The following ASB3 variants were observed in gnomAD, a reference collection of about 807,000 sequenced individuals.
ASB3 encodes the protein ankyrin repeat and SOCS box protein 3.
Under a neutral mutation model 54.5 loss-of-function variants are expected in ASB3, and 41 were observed. The ratio of observed to expected loss-of-function variants is 0.75; its 90% CI spans 0.59 to 0.98. ASB3 has a LOEUF of 0.98. Ranked by LOEUF, ASB3 falls within the 50% of genes least tolerant of loss-of-function variation. ASB3 has a pLI of 0.00. For missense variants in ASB3, 733 were observed against 620.0 expected (o/e 1.18, Z -1.94); for synonymous variants, 266 against 221.2 (o/e 1.20, Z -1.80).
At chr2:53,728,946 T>TG in intron 4 of ASB3, 99 bp from the exon 5 acceptor site, 2 of 1,346,496 alleles carry the variant, frequency 1.5e-6, no homozygotes, top group Non-Finnish European at 2.0e-6. Context: ...ATCCTCTCAC[T>TG]AAAGGATAAC....
At chr2:53,757,300 C>A (rs1467903319) in intron 2 of ASB3, among the ~76,000 whole-genome samples, 3 of 152,244 alleles carry the variant, frequency 2.0e-5, no homozygotes, top group Admixed American at 2.0e-4. Context: ...TCCAACCCTT[C>A]TGGGTTGGGA....
intron 3 of ASB3, among the ~76,000 whole-genome samples, chr2:53,743,519 A>G (rs2103974194): frequency 6.6e-6 from 1 of 152,314 alleles, no homozygotes. Context: ...GCAAAATGTT[A>G]TTCCCACTAA....
chr2:53,776,718 C>G (rs1449887790), intron 1 of ASB3, among the ~76,000 whole-genome samples: 2 of 152,264 alleles, frequency 1.3e-5, no homozygotes, highest in Non-Finnish European at 1.5e-5. Flanking sequence ...ACTCAGGAAG[C>G]TGAGGCAGAA....
chr2:53,763,766 G>C (rs1417699054), intron 2 of ASB3, among the ~76,000 whole-genome samples: 1 of 152,198 alleles, frequency 6.6e-6, no homozygotes, highest in African/African-American at 2.4e-5. Flanking sequence ...CCTAGAAAAG[G>C]ATATTCAAAC....
chr2:53,762,341 A>C (rs1341863222), intron 2 of ASB3, among the ~76,000 whole-genome samples: 2 of 152,170 alleles, frequency 1.3e-5, no homozygotes, highest in Non-Finnish European at 2.9e-5. Flanking sequence ...ACAGATGAAA[A>C]AACTAAACCA....
chr2:53,711,215 C>T (rs1197594382), intron 7 of ASB3, among the ~76,000 whole-genome samples: 1 of 152,132 alleles, frequency 6.6e-6, no homozygotes, highest in Non-Finnish European at 1.5e-5. Flanking sequence ...AATTCATATG[C>T]ACAATTAGGG....
chr2:53,730,175 T>C (rs1261242538), intron 3 of ASB3, among the ~76,000 whole-genome samples: 4 of 152,218 alleles, frequency 2.6e-5, no homozygotes, highest in Non-Finnish European at 5.9e-5. Flanking sequence ...AACTTTGCTA[T>C]GAAGGTGGCA....
chr2:53,727,800 A>G (rs888109623), intron 5 of ASB3, among the ~76,000 whole-genome samples: 1 of 152,096 alleles, frequency 6.6e-6, no homozygotes, highest in African/African-American at 2.4e-5. Context: ...ATCTCAGCTC[A>G]CTGCAACCTC....
In ASB3 at chr2:53,765,600, A is replaced by G; in HGVS notation, c.-13-15T>C. 6.2e-7 allele frequency: 1 copy of G among 1,614,190 alleles called. No individual in the cohort carries two copies. On this transcript the variant is annotated splice_polypyrimidine_tract_variant and intron_variant, in intron 1 of 9. Transcript: ENST00000263634. ...GTTTGACCAGTCTACAAAACAAGGT[A>G]GAAGGATAATACTATAGTCAATAAA...
At chr2:53,684,253 CACTA>C (rs763696311) in intron 9 of ASB3, among the ~76,000 whole-genome samples, 1 of 152,196 alleles carries the variant, frequency 6.6e-6, no homozygotes, top group East Asian at 1.9e-4. Flanking sequence ...CCACATTTGG[CACTA>C]ACTAACACTA....
Position 53,670,306 on chromosome 2 carries a change from T to C in ASB3, c.*197A>G, listed in dbSNP as rs898046154. 3.2e-4 allele frequency: 96 copies of C among 297,640 alleles called. No homozygotes were observed. Among genetic ancestry groups the C allele is most frequent in the Non-Finnish European group, 5.1e-4 (85 of 168,006 alleles). The allele number at this position is 297,640 out of a possible 1,614,324, so 18.4% of individuals were successfully genotyped here. ...TGATGTTTACAATTTTTTTTTTTTT[T>C]TTTTTTTTTTTTACTGGGAAGGCTA... On this transcript the variant is annotated 3_prime_UTR_variant, in exon 10 of 10. Coordinates refer to ENST00000263634, the MANE Select transcript of ASB3 (RefSeq NM_016115.5).
intron 9 of ASB3, among the ~76,000 whole-genome samples, chr2:53,677,677 C>G (rs1303853310): frequency 6.6e-6 from 1 of 152,060 alleles, no homozygotes; most frequent in Non-Finnish European, 1.5e-5. Context: ...AATAAGAAAA[C>G]TCAAAAAGAG....
chr2:53,767,253 C>G (rs1411686517), intron 1 of ASB3: 2 of 152,132 alleles, frequency 1.3e-5, no homozygotes, highest in Non-Finnish European at 2.9e-5. Context: ...TAAACAATTC[C>G]CATTGAAATG....
chr2:53,686,006 G>A (rs1418533623), intron 9 of ASB3, among the ~76,000 whole-genome samples: 1 of 152,222 alleles, frequency 6.6e-6, no homozygotes, highest in African/African-American at 2.4e-5. Context: ...ACAGATAGAA[G>A]AGGCAAGAGG....
rs368152497 is a variant in ASB3, at chr2:53,771,992, G to C, written c.-13-6407C>G. On this transcript the variant is annotated intron_variant, in intron 1 of 9. Coordinates refer to ENST00000263634, the MANE Select transcript of ASB3 (RefSeq NM_016115.5). Reference sequence around the variant, plus strand: ...TATAATTTTAATTTTATAAAATGTTGCGATGTTTCTGTTTCAATTTGATTA... The same window carrying C: ...TATAATTTTAATTTTATAAAATGTTCCGATGTTTCTGTTTCAATTTGATTA... 31 of 1,050,522 alleles carry C rather than the reference G, an allele frequency of 3.0e-5. No individual in the cohort carries two copies. In the African/African-American group the frequency reaches 5.0e-4, roughly 17 times the overall value. 65.1% of individuals were successfully genotyped at this position (1,050,522 alleles called of 1,614,324 possible). A position where few individuals can be genotyped will look rare whatever the true frequency, so the allele number is the denominator to read the frequency against.
chr2:53,689,115 G>C (rs1668778119), intron 9 of ASB3, among the ~76,000 whole-genome samples: 1 of 151,014 alleles, frequency 6.6e-6, no homozygotes, highest in Non-Finnish European at 1.5e-5. Context: ...GCTATATTAA[G>C]AGTTAAAAAA....
intron 8 of ASB3, among the ~76,000 whole-genome samples, chr2:53,696,792 T>G (rs911496223): frequency 1.1e-4 from 17 of 152,132 alleles, no homozygotes; most frequent in African/African-American, 3.9e-4. Flanking sequence ...TATAAGGCAT[T>G]AGGTATTATA....
At chr2:53,716,262 C>A (rs993563060) in intron 6 of ASB3, among the ~76,000 whole-genome samples, 3 of 151,972 alleles carry the variant, frequency 2.0e-5, no homozygotes, top group African/African-American at 7.3e-5. Flanking sequence ...TGGGATAAAA[C>A]TAGGGAGGAG....
chr2:53,776,794 G>T (rs1420911390), intron 1 of ASB3, among the ~76,000 whole-genome samples: 2 of 152,068 alleles, frequency 1.3e-5, no homozygotes, highest in Non-Finnish European at 2.9e-5. Flanking sequence ...ACTCCAGGCT[G>T]GGCAACAGAG....
Sources: allele counts gnomAD v4.1 joint callset (sites outside exome capture counted in the v4.1 genomes callset), GRCh38; gene constraint gnomAD v4.1.1; transcripts MANE v1.5; gene names NCBI Gene and HGNC (gene_info 2026-07-23, HGNC 2026-07-21).